Variants in HIRA observed in about 807,000 individuals in gnomAD.
The protein encoded by HIRA is histone cell cycle regulator.
Under a neutral mutation model 126.6 loss-of-function variants are expected in HIRA, and 13 were observed. That is an observed-to-expected ratio of 0.10 (90% CI 0.07 to 0.16). HIRA has a LOEUF of 0.16. Ranked by LOEUF, HIRA falls within the 10% of genes least tolerant of loss-of-function variation. HIRA has a pLI of 1.00. For missense variants in HIRA, 834 were observed against 1,314.4 expected, an observed-to-expected ratio of 0.63 and a Z score of 5.65; for synonymous variants, 511 against 520.0, an observed-to-expected ratio of 0.98 and a Z score of 0.24.
At chr22:19,426,744 C>T (rs1033972540) in intron 1 of HIRA, among the ~76,000 whole-genome samples, 10 of 152,202 alleles carry the variant, frequency 6.6e-5, no homozygotes, top group African/African-American at 2.2e-4. Context: ...AGCAAAATCT[C>T]ACCCAGTTTT....
At chr22:19,380,663 A>C (rs571415716) in intron 13 of HIRA, among the ~76,000 whole-genome samples, 1 of 152,126 alleles carries the variant, frequency 6.6e-6, no homozygotes, top group Non-Finnish European at 1.5e-5. Flanking sequence ...CCCAGGCTGG[A>C]GAGTGGCACT....
At chr22:19,428,540 T>C (rs1157510402) in intron 1 of HIRA, among the ~76,000 whole-genome samples, 1 of 152,210 alleles carries the variant, frequency 6.6e-6, no homozygotes, top group Non-Finnish European at 1.5e-5. Flanking sequence ...TTTCAATAAA[T>C]ACTTCTTCTC....
intron 12 of HIRA, 34 bp downstream of exon 12, chr22:19,385,487 C>A: frequency 6.3e-7 from 1 of 1,594,632 alleles, no homozygotes; most frequent in South Asian, 1.1e-5. Flanking sequence ...GGGCATATGT[C>A]CATGTCTTTA....
In HIRA at chr22:19,351,291, T is replaced by C; in HGVS notation, c.2937+67A>G. ...CACAATTTCAAAGCACTTTGGCTTA[T>C]TTAAAAAATCTCCACCTTCATGTTT... On this transcript the variant is annotated intron_variant, in intron 24 of 24. Transcript: ENST00000263208. The surrounding 1 kb of genome is among the most constrained non-coding windows in gnomAD (Gnocchi z 4.8). The C allele has an allele frequency of 6.4e-7, 1 of 1,563,660 alleles. No homozygotes were observed. Among genetic ancestry groups the C allele is most frequent in the Non-Finnish European group, 8.6e-7 (1 of 1,158,322 alleles).
At chr22:19,353,594 C>A (rs990809390) in intron 22 of HIRA, 75 bp from the exon 23 acceptor site, 6 of 1,444,188 alleles carry the variant, frequency 4.2e-6, no homozygotes, top group Admixed American at 2.3e-5. Flanking sequence ...CCGTGTGCAA[C>A]AGGCAAGGAG....
chr22:19,343,417 G>A (rs188133570), intron 24 of HIRA, among the ~76,000 whole-genome samples: 20 of 151,914 alleles, frequency 1.3e-4, no homozygotes, highest in African/African-American at 4.3e-4. Flanking sequence ...TAAAAAATTT[G>A]CCAGGCATGG....
At position 19,375,676 on chromosome 22, in the gene HIRA, G is replaced by T; in HGVS notation, c.1730C>A (p.Pro577Gln). 6.2e-7 allele frequency: 1 copy of T among 1,614,182 alleles called. No homozygotes were observed. The change falls in exon 15 of 25, where the codon CCA (proline) becomes CAA (glutamine). Residue 577 changes from proline (P) to glutamine (Q), a missense_variant. Coordinates refer to ENST00000263208, the MANE Select transcript of HIRA (RefSeq NM_003325.4). ...SRFTERSKATPGAPALTSMTP... is the reference protein window; with the variant it reads ...SRFTERSKATQGAPALTSMTP... The stretch of plus-strand genomic sequence containing the variant: ...CATGCTGGTCAGGGCAGGAGCACCT[G>T]GTGTGGCTTTGGACCGCTCTGTGAA...
chr22:19,421,434 TA>T (rs369999607), intron 1 of HIRA, among the ~76,000 whole-genome samples: 104 of 152,282 alleles, frequency 6.8e-4, no homozygotes, highest in African/African-American at 2.0e-3. Flanking sequence ...GTTAAAGTCT[TA>T]AAAAAATTCA....
chr22:19,389,801 G>A (rs1404068565), intron 9 of HIRA, among the ~76,000 whole-genome samples: 2 of 151,374 alleles, frequency 1.3e-5, no homozygotes, highest in Non-Finnish European at 2.9e-5. Context: ...TCCCCTGAAC[G>A]GCAATCTGTG....
chr22:19,408,219 A>G (rs2089322951), intron 3 of HIRA, among the ~76,000 whole-genome samples: 3 of 152,088 alleles, frequency 2.0e-5, no homozygotes, highest in Non-Finnish European at 4.4e-5. Flanking sequence ...GCTGGCCCCA[A>G]AGCCCCATGG....
At chr22:19,353,595 A>G in intron 22 of HIRA, 76 bp from the exon 23 acceptor site, 1 of 1,439,182 alleles carries the variant, frequency 6.9e-7, no homozygotes, top group South Asian at 1.4e-5. Flanking sequence ...CGTGTGCAAC[A>G]GGCAAGGAGC....
At chr22:19,348,786 C>T (rs928932751) in intron 24 of HIRA, among the ~76,000 whole-genome samples, 6 of 151,918 alleles carry the variant, frequency 3.9e-5, no homozygotes, top group East Asian at 1.9e-4. Context: ...TGAGCCACCA[C>T]GCTTGGCCTT....
At chr22:19,414,763 G>A (rs894627880) in intron 1 of HIRA, among the ~76,000 whole-genome samples, 5 of 152,062 alleles carry the variant, frequency 3.3e-5, no homozygotes, top group African/African-American at 9.7e-5. Context: ...GGCTCACGCC[G>A]GTAATCCCAG....
intron 13 of HIRA, among the ~76,000 whole-genome samples, chr22:19,382,765 TTC>T (rs1408235660): frequency 2.8e-5 from 4 of 142,328 alleles, no homozygotes; most frequent in Non-Finnish European, 5.9e-5. Context: ...TTTATCATTT[TTC>T]TTTCTTTTTT....
chr22:19,374,060 C>T lies in HIRA; in HGVS notation c.1775+1571G>A, dbSNP rs946946995. ...TATTTAGAAGCATGGAGACCGCGCG[C>T]GGTGGCTCACGCCTGTAATCCCAGC... On this transcript the variant is annotated intron_variant, in intron 15 of 24. Transcript: ENST00000263208. 2.4e-4 allele frequency among the ~76,000 whole-genome samples: 37 copies of T among 152,072 alleles called. 1 individual carries two copies. Among genetic ancestry groups the T allele is most frequent in the African/African-American group, 7.7e-4 (32 of 41,538 alleles).
chr22:19,385,321 AG>A lies in HIRA; in HGVS notation c.1329+199del, dbSNP rs558571369. On this transcript the variant is annotated intron_variant, in intron 12 of 24. Coordinates refer to ENST00000263208, the MANE Select transcript of HIRA (RefSeq NM_003325.4). ...CTCCTCTGGGCTCCTGGGGATAAGG[AG>A]GCCTTTGATAAAGAGGATCCAGGCC... 1.1e-4 allele frequency among the ~76,000 whole-genome samples: 17 copies of A among 152,332 alleles called. No homozygotes were observed. The South Asian group carries it at 3.5e-3, about 32-fold the overall frequency.
Position 19,385,559 on chromosome 22 carries a change from C to T in HIRA, c.1291G>A (p.Gly431Ser). The T allele has an allele frequency of 6.2e-7, 1 of 1,614,182 alleles. No individual in the cohort carries two copies. The highest frequency in any genetic ancestry group is 8.5e-7 in the Non-Finnish European group (1 of 1,180,044). Residue 431 changes from glycine (G) to serine (S), a missense_variant, in exon 12 of 25, where the codon GGC (glycine) becomes AGC (serine). By Grantham distance (56) the Gly-to-Ser change is moderately conservative. This residue lies in a region of HIRA where 153 missense variants were observed against 270.6 expected (regional missense o/e 0.57). Coordinates refer to ENST00000263208, the MANE Select transcript of HIRA (RefSeq NM_003325.4). ...TCAAGACTCTCCCCGTTGACAACGC[C>T]TGCGACTGAGGTGGCTGAGCCCATC... Reference protein sequence around the residue: ...REMGSATSVAGVVNGESLEDI... With the variant: ...REMGSATSVASVVNGESLEDI...
intron 24 of HIRA, among the ~76,000 whole-genome samples, chr22:19,349,580 C>T (rs1556010189): frequency 6.6e-6 from 1 of 152,110 alleles, no homozygotes; most frequent in African/African-American, 2.4e-5. Flanking sequence ...AAAGTACTTA[C>T]AAAGCAATGG....
chr22:19,342,806 T>C (rs1556007934), intron 24 of HIRA, among the ~76,000 whole-genome samples: 1 of 152,208 alleles, frequency 6.6e-6, no homozygotes, highest in Non-Finnish European at 1.5e-5. Flanking sequence ...CACACGTTTA[T>C]AGCAGCACCA....
Sources: gnomAD v4.1 joint callset for allele counts (sites outside exome capture counted in the v4.1 genomes callset) on GRCh38, gnomAD v4.1.1 for gene constraint, gnomAD v4.1.1 regional missense constraint, Gnocchi (gnomAD v3.1) non-coding constraint, MANE v1.5 for transcripts, NCBI Gene and HGNC (gene_info 2026-07-23, HGNC 2026-07-21) for gene names.